ALMS1: variants seen among roughly 807,000 people sequenced by gnomAD.
The protein encoded by ALMS1 is ALMS1 centrosome and basal body associated protein.
Under a neutral mutation model 352.2 loss-of-function variants are expected in ALMS1, and 271 were observed. That is an observed-to-expected ratio of 0.77 (90% CI 0.70 to 0.85). The LOEUF is 0.85. Ranked by LOEUF, ALMS1 falls within the 40% of genes least tolerant of loss-of-function variation. ALMS1 has a pLI of 0.00. For missense variants in ALMS1, 5,445 were observed against 4,870.7 expected, an observed-to-expected ratio of 1.12 and a Z score of -3.51; for synonymous variants, 1,865 against 1,761.2, an observed-to-expected ratio of 1.06 and a Z score of -1.48.
chr2:73,449,616 C>T lies in ALMS1; in HGVS notation c.3089C>T (p.Ser1030Leu). The T allele has an allele frequency of 8.1e-6, 13 of 1,614,084 alleles. No individual in the cohort carries two copies. Among genetic ancestry groups the T allele is most frequent in the Non-Finnish European group, 1.1e-5 (13 of 1,179,980 alleles). ...GCAACTGAAAAGGCTCTGAAAGTTTCAACTGGCCCTGGACCAGCTGACCAG... is the reference window on the plus strand; with the variant it reads ...GCAACTGAAAAGGCTCTGAAAGTTTTAACTGGCCCTGGACCAGCTGACCAG... Reference protein sequence around the residue: ...SYATEKALKVSTGPGPADQKT... With the variant: ...SYATEKALKVLTGPGPADQKT... The change falls in exon 8 of 23, where the codon TCA becomes TTA. Residue 1030 changes from serine (S) to leucine (L), a missense_variant. Ser to Leu is a moderately radical substitution (Grantham distance 145, BLOSUM62 -2). Transcript: ENST00000613296.
intron 2 of ALMS1, among the ~76,000 whole-genome samples, chr2:73,416,626 C>G (rs1166834152): frequency 6.6e-6 from 1 of 151,984 alleles, no homozygotes; most frequent in Non-Finnish European, 1.5e-5. Context: ...CTGTACCACC[C>G]GGGAATTAAA....
chr2:73,454,150 G>A, intron 8 of ALMS1, 83 bp downstream of exon 8: 2 of 1,529,024 alleles, frequency 1.3e-6, no homozygotes, highest in South Asian at 1.2e-5. Flanking sequence ...AGGAAGCTTA[G>A]CCAATGAAAA....
chr2:73,594,616 A>G (rs868496684), intron 16 of ALMS1, among the ~76,000 whole-genome samples: 2 of 152,194 alleles, frequency 1.3e-5, no homozygotes, highest in Non-Finnish European at 1.5e-5. Context: ...CTCACGTGCT[A>G]CTTATGGGGC....
At chr2:73,397,851 C>G (rs573144816) in intron 1 of ALMS1, among the ~76,000 whole-genome samples, 2 of 152,340 alleles carry the variant, frequency 1.3e-5, no homozygotes, top group East Asian at 3.9e-4. Flanking sequence ...CTGCCCCTCT[C>G]CATAGCCTCC....
chr2:73,586,606 G>A (rs867845418), intron 16 of ALMS1, among the ~76,000 whole-genome samples: 1 of 151,996 alleles, frequency 6.6e-6, no homozygotes, highest in African/African-American at 2.4e-5. Context: ...ATTGGTCTTG[G>A]TGCCTATTTT....
In ALMS1 at chr2:73,481,318, A is replaced by G. The variant is rs1572961428; in HGVS notation, c.7675-8316A>G. Among the ~76,000 whole-genome samples, 4 of 152,174 alleles carry G rather than the reference A, an allele frequency of 2.6e-5. No individual in the cohort carries two copies. The South Asian group carries it at 8.3e-4, about 32-fold the overall frequency. On this transcript the variant is annotated intron_variant, in intron 9 of 22. Transcript: ENST00000613296. ...ATGGCTAGCCAGTTTTCCCAGCACCATTTATTAAACAGGGAATCCTTTCCC... is the reference window on the plus strand; with the variant it reads ...ATGGCTAGCCAGTTTTCCCAGCACCGTTTATTAAACAGGGAATCCTTTCCC...
At chr2:73,465,315 G>C in intron 9 of ALMS1, among the ~76,000 whole-genome samples, 1 of 140,928 alleles carries the variant, frequency 7.1e-6, no homozygotes, top group Non-Finnish European at 1.6e-5. Context: ...ACAGAACAGA[G>C]CCCTCAGAAA....
At position 73,448,348 on chromosome 2, in the gene ALMS1, A is replaced by G; in HGVS notation, c.1821A>G (p.Leu607=). ...TGAAAGTTTCAGCTGCTCCTGGACTAGCTGACCAGACAACTGGCATGTCAA... is the reference window on the plus strand; with the variant it reads ...TGAAAGTTTCAGCTGCTCCTGGACTGGCTGACCAGACAACTGGCATGTCAA... The part of the protein sequence containing the change: ...EALKVSAAPG[L]ADQTTGMSTL... Residue 607 remains leucine, a synonymous_variant, in exon 8 of 23, where the codon CTA becomes CTG. Transcript: ENST00000613296. 2 of 1,614,078 alleles carry G rather than the reference A, an allele frequency of 1.2e-6. No individual in the cohort carries two copies. Among genetic ancestry groups the G allele is most frequent in the Non-Finnish European group, 1.7e-6 (2 of 1,179,954 alleles).
chr2:73,601,373 G>C lies in ALMS1; in HGVS notation c.12051G>C (p.Leu4017=), dbSNP rs1207357544. The C allele has an allele frequency of 1.2e-6, 2 of 1,614,024 alleles. No homozygotes were observed. The highest frequency in any genetic ancestry group is 1.3e-5 in the African/African-American group (1 of 74,942). The change falls in exon 19 of 23, where the codon CTG becomes CTC. Residue 4017 remains leucine (L), a synonymous_variant. Transcript: ENST00000613296. ...QGQHLDGRGY[L]AGPGREAGRD... ...AGCACCTGGACGGTCGGGGCTACCT[G>C]GCAGGCCCAGGCAGAGAGGCTGGCA...
Position 73,529,133 on chromosome 2 carries a change from G to A in ALMS1, c.9782-5691G>A, listed in dbSNP as rs573360596. Reference sequence around the variant, plus strand: ...GTCTCAGCTCACTGCAGCCTCTGCCGCCTGGGTTCAAGCAATTCTCCTGCC... The same window carrying A: ...GTCTCAGCTCACTGCAGCCTCTGCCACCTGGGTTCAAGCAATTCTCCTGCC... On this transcript the variant is annotated intron_variant, in intron 11 of 22. Transcript: ENST00000613296. Among the ~76,000 whole-genome samples the A allele has an allele frequency of 1.1e-4, 15 of 142,460 alleles. No individual in the cohort carries two copies. In the South Asian group the frequency reaches 2.6e-3, roughly 25 times the overall value. The allele number at this position is 142,460 out of a possible 152,430, so 93.5% of individuals were successfully genotyped here.
At chr2:73,418,161 G>A (rs1414644350) in intron 2 of ALMS1, among the ~76,000 whole-genome samples, 7 of 151,894 alleles carry the variant, frequency 4.6e-5, no homozygotes, top group Non-Finnish European at 1.0e-4. Flanking sequence ...ATTTTTGTTA[G>A]CATTTTAGTA....
chr2:73,531,363 A>G (rs1673905908), intron 11 of ALMS1, among the ~76,000 whole-genome samples: 1 of 152,200 alleles, frequency 6.6e-6, no homozygotes, highest in Non-Finnish European at 1.5e-5. Flanking sequence ...GCAGGGGAAA[A>G]TTGCTGCCAG....
At chr2:73,404,320 G>A (rs1350509716) in intron 1 of ALMS1, among the ~76,000 whole-genome samples, 2 of 152,224 alleles carry the variant, frequency 1.3e-5, no homozygotes, top group East Asian at 3.9e-4. Flanking sequence ...GTGCTATGTT[G>A]AGTAGAAGGG....
chr2:73,519,842 C>T lies in ALMS1; in HGVS notation c.9607C>T (p.Gln3203Ter), dbSNP rs956247442. 2 of 1,613,874 alleles carry T rather than the reference C, an allele frequency of 1.2e-6. No individual in the cohort carries two copies. The highest frequency in any genetic ancestry group is 2.7e-5 in the African/African-American group (2 of 74,894). ...AAAATTGTCATCTGATGCAGTCACT[C>T]AGATAACAACAGAAAGTCCAGAAAA... ...SEKLSSDAVT[Q>*]ITTESPEKTL... The change falls in exon 11 of 23, where the codon CAG becomes TAG. Residue 3203 changes from glutamine to a stop codon, truncating the protein, a stop_gained. Coordinates refer to ENST00000613296, the MANE Select transcript of ALMS1 (RefSeq NM_001378454.1). LOFTEE classifies it high-confidence loss of function.
intron 12 of ALMS1, among the ~76,000 whole-genome samples, chr2:73,548,395 C>G (rs1217593233): frequency 6.6e-6 from 1 of 152,194 alleles, no homozygotes. Flanking sequence ...CTGACACGCA[C>G]ACATGTGTGG....
At chr2:73,584,624 CTTTG>C (rs910429147) in intron 16 of ALMS1, among the ~76,000 whole-genome samples, 37 of 152,150 alleles carry the variant, frequency 2.4e-4, no homozygotes, top group African/African-American at 8.9e-4. Context: ...TGCTTGCTTG[CTTTG>C]TTTCTTTCTT....
intron 21 of ALMS1, 99 bp from the exon 22 acceptor site, chr2:73,608,376 G>A (rs947528779): frequency 4.3e-6 from 4 of 936,608 alleles, no homozygotes; most frequent in Admixed American, 1.7e-5. Context: ...AGCTCCTGGA[G>A]AGTGGGAGGT....
chr2:73,393,510 T>C (rs2103636756), intron 1 of ALMS1, among the ~76,000 whole-genome samples: 1 of 152,146 alleles, frequency 6.6e-6, no homozygotes, highest in African/African-American at 2.4e-5. Context: ...ATCACTGGAG[T>C]AGCCTACGTT....
intron 13 of ALMS1, among the ~76,000 whole-genome samples, chr2:73,552,893 A>AAAG (rs1286433710): frequency 1.3e-5 from 2 of 152,214 alleles, no homozygotes; most frequent in Non-Finnish European, 2.9e-5. Flanking sequence ...AATAGAACAT[A>AAAG]AAGAGAAGGG....
Sources: gnomAD v4.1 joint callset for allele counts (sites outside exome capture counted in the v4.1 genomes callset) on GRCh38, gnomAD v4.1.1 for gene constraint, MANE v1.5 for transcripts, NCBI Gene and HGNC (gene_info 2026-07-23, HGNC 2026-07-21) for gene names.